Variants in SPATA22 observed in about 807,000 individuals in gnomAD.
The protein encoded by SPATA22 is spermatogenesis-associated protein 22.
A neutral mutation model predicts 47.8 loss-of-function variants in SPATA22; 29 were observed. That is an observed-to-expected ratio of 0.61 (90% CI 0.45 to 0.83). The LOEUF is 0.83. Among genes scored for constraint, SPATA22 ranks in the 40% least tolerant of loss-of-function variants. The pLI, the probability that SPATA22 is intolerant of heterozygous loss-of-function variation, is 0.00. For synonymous variants in SPATA22, 133 were observed against 140.9 expected, an observed-to-expected ratio of 0.94 and a Z score of 0.40; for missense variants, 410 against 421.7, an observed-to-expected ratio of 0.97 and a Z score of 0.24.
intron 5 of SPATA22, among the ~76,000 whole-genome samples, chr17:3,453,389 C>G (rs1011709083): frequency 6.6e-6 from 1 of 152,070 alleles, no homozygotes; most frequent in Non-Finnish European, 1.5e-5. Flanking sequence ...CAATGTTATA[C>G]ACCACAGTAG....
intron 1 of SPATA22, chr17:3,500,241 G>C (rs909025404): frequency 6.6e-6 from 1 of 152,232 alleles, no homozygotes; most frequent in African/African-American, 2.4e-5. Flanking sequence ...TTGCTGATGT[G>C]GAAGCTGTAG....
intron 1 of SPATA22, among the ~76,000 whole-genome samples, chr17:3,493,211 C>A (rs2073852628): frequency 6.6e-6 from 1 of 152,208 alleles, no homozygotes; most frequent in African/African-American, 2.4e-5. Context: ...CACTGGCAGG[C>A]TGCCTGCATC....
At chr17:3,499,174 C>A in intron 1 of SPATA22, 1 of 1,406,704 alleles carries the variant, frequency 7.1e-7, no homozygotes, top group South Asian at 1.2e-5. Context: ...GTGCCTTATT[C>A]AACTGCATAC....
At chr17:3,507,119 G>A (rs2074048314) in intron 1 of SPATA22, among the ~76,000 whole-genome samples, 1 of 152,206 alleles carries the variant, frequency 6.6e-6, no homozygotes, top group African/African-American at 2.4e-5. Flanking sequence ...CCAACTTATG[G>A]CTTCCATTTT....
Position 3,446,460 on chromosome 17 carries a change from T to C in SPATA22, c.802+12A>G. On this transcript the variant is annotated intron_variant, in intron 7 of 8. Transcript: ENST00000572969. The stretch of plus-strand genomic sequence containing the variant: ...GAGTATTACTGAAGTATTTTTAAAG[T>C]ATTTTACCTACCTAATACTTCAAAA... 1 of 1,598,070 alleles carries C rather than the reference T, an allele frequency of 6.3e-7. No individual in the cohort carries two copies. The highest frequency in any genetic ancestry group is 8.5e-7 in the Non-Finnish European group (1 of 1,175,030).
At chr17:3,468,296 G>C (rs1273532467) in intron 2 of SPATA22, 1 of 152,224 alleles carries the variant, frequency 6.6e-6, no homozygotes, top group African/African-American at 2.4e-5. Context: ...GAAGGGAAAA[G>C]AAGTTCAAAA....
intron 6 of SPATA22, among the ~76,000 whole-genome samples, chr17:3,447,449 T>C (rs1428745824): frequency 1.0e-5 from 1 of 97,040 alleles, no homozygotes; most frequent in Non-Finnish European, 2.8e-5. Context: ...ATGCCTCCTG[T>C]TGATGATGGC....
intron 1 of SPATA22, among the ~76,000 whole-genome samples, chr17:3,489,538 C>T (rs2073786496): frequency 6.6e-6 from 1 of 151,948 alleles, no homozygotes; most frequent in Admixed American, 6.6e-5. Flanking sequence ...ACATTAAATC[C>T]TTATTTCCTG....
chr17:3,477,127 C>A (rs947513230), intron 1 of SPATA22, among the ~76,000 whole-genome samples: 4 of 151,724 alleles, frequency 2.6e-5, no homozygotes, highest in Non-Finnish European at 5.9e-5. Context: ...TGCACTCCAG[C>A]CTGGGAGACA....
At chr17:3,494,080 A>G (rs2073870664) in intron 1 of SPATA22, among the ~76,000 whole-genome samples, 1 of 147,478 alleles carries the variant, frequency 6.8e-6, no homozygotes, top group African/African-American at 2.5e-5. Context: ...CTTGTTGCCC[A>G]GGTTGGAGTG....
chr17:3,482,944 C>T (rs2073658399), intron 1 of SPATA22, among the ~76,000 whole-genome samples: 1 of 110,962 alleles, frequency 9.0e-6, no homozygotes. Flanking sequence ...TCCCCCCTCC[C>T]CCCACCCCAA....
At chr17:3,464,587 C>T (rs555433870) in intron 3 of SPATA22, among the ~76,000 whole-genome samples, 2 of 142,760 alleles carry the variant, frequency 1.4e-5, no homozygotes, top group African/African-American at 2.5e-5. Context: ...GCGTCTCTGC[C>T]GGGCCGCCCA....
intron 1 of SPATA22, chr17:3,512,868 C>T (rs1199558786): frequency 6.6e-6 from 1 of 152,164 alleles, no homozygotes; most frequent in Non-Finnish European, 1.5e-5. Context: ...TTAAATTCCC[C>T]CACTGAGACA....
intron 7 of SPATA22, 75 bp downstream of exon 7, chr17:3,446,396 GA>G (rs560758690): frequency 2.8e-6 from 4 of 1,433,460 alleles, no homozygotes; most frequent in Non-Finnish European, 3.8e-6. Flanking sequence ...TTATTTGGAA[GA>G]AAAAGGACTA....
chr17:3,471,646 C>T (rs1394794922), intron 1 of SPATA22, 36 bp downstream of exon 1: 3 of 985,170 alleles, frequency 3.0e-6, no homozygotes, highest in Non-Finnish European at 2.4e-6. Context: ...TCTCCTGACC[C>T]GCCCACGGAG....
upstream of SPATA22, chr17:3,476,168 T>TG: frequency 1.9e-6 from 3 of 1,613,734 alleles, no homozygotes; most frequent in Non-Finnish European, 2.5e-6. Context: ...AAATGACTTC[T>TG]TGTCACATTG....
intron 6 of SPATA22, among the ~76,000 whole-genome samples, 192 bp from the exon 7 acceptor site, chr17:3,446,793 G>A (rs1414660937): frequency 3.3e-5 from 5 of 152,132 alleles, no homozygotes; most frequent in Non-Finnish European, 5.9e-5. Flanking sequence ...AAACCAGGGT[G>A]CACTTAGAGA....
In SPATA22 at chr17:3,448,963, G is replaced by T; in HGVS notation, c.516C>A (p.Thr172=). 1 of 1,613,892 alleles carries T rather than the reference G, an allele frequency of 6.2e-7. No homozygotes were observed. Among genetic ancestry groups the T allele is most frequent in the Non-Finnish European group, 8.5e-7 (1 of 1,179,930 alleles). Reference sequence around the variant, plus strand: ...ATGAATGTGTTTGTCTGAGTAGCTCGGTTTCTTTGTTGCGAGATAAGTTAG... The same window carrying T: ...ATGAATGTGTTTGTCTGAGTAGCTCTGTTTCTTTGTTGCGAGATAAGTTAG... ...EPPNLSRNKE[T]ELLRQTHSSK... Residue 172 remains threonine (T), a synonymous_variant, in exon 6 of 9, where the codon ACC becomes ACA. Transcript: ENST00000572969.
rs2074113998 is a variant in SPATA22 at position 3,511,526 on chromosome 17, G to A, written c.-74+1886C>T. ...GCTCCTTTTCACTCTGATGCTTCTT[G>A]ACTTATGGCTTCCCTTGGTAAACCT... On this transcript the variant is annotated intron_variant, in intron 1 of 8. Transcript: ENST00000541913. 6.6e-6 allele frequency: 1 copy of A among 152,188 alleles called. No homozygotes were observed. Among genetic ancestry groups the A allele is most frequent in the Admixed American group, 6.5e-5 (1 of 15,280 alleles). 9.4% of individuals were successfully genotyped at this position (152,188 alleles called of 1,614,324 possible).
Sources: gnomAD v4.1 joint callset for allele counts (sites outside exome capture counted in the v4.1 genomes callset) on GRCh38, gnomAD v4.1.1 for gene constraint, MANE v1.5 for transcripts, NCBI Gene and HGNC (gene_info 2026-07-23, HGNC 2026-07-21) for gene names.